Variants in COMMD1 observed in about 807,000 individuals in gnomAD.
COMMD1 encodes COMM domain-containing protein 1.
COMMD1 carries 10 observed loss-of-function variants against 17.2 expected under a neutral mutation model. The observed-to-expected ratio is 0.58, with a 90% CI of 0.36 to 0.99. The LOEUF is 0.99. Among genes scored for constraint, COMMD1 ranks in the 50% least tolerant of loss-of-function variants. The probability of loss-of-function intolerance (pLI) is 0.01; values close to 1 mark genes in which losing one functional copy is unlikely to be tolerated. For missense variants in COMMD1, 270 were observed against 231.8 expected (o/e 1.17, Z -1.07); for synonymous variants, 97 against 91.6 (o/e 1.06, Z -0.34).
chr2:61,989,716 GGCC>G (rs1558550932), intron 1 of COMMD1, among the ~76,000 whole-genome samples: 1 of 151,958 alleles, frequency 6.6e-6, no homozygotes. Context: ...CGCCCACGTC[GGCC>G]TCCCAAAGTG....
intron 2 of COMMD1, among the ~76,000 whole-genome samples, chr2:62,086,377 G>C (rs1671668837): frequency 6.6e-6 from 1 of 151,872 alleles, no homozygotes; most frequent in Non-Finnish European, 1.5e-5. Flanking sequence ...CAGGCCTGGC[G>C]GCGTGCGCCT....
chr2:62,003,540 CAA>C (rs559636343), intron 2 of COMMD1, among the ~76,000 whole-genome samples: 1 of 109,344 alleles, frequency 9.1e-6, no homozygotes. Flanking sequence ...GACTCCGTCT[CAA>C]AAAAAAAAAA....
chr2:62,042,093 A>ATTTTACAGAGCACCGATTGGTCCG (rs1330728241), intron 2 of COMMD1, among the ~76,000 whole-genome samples: 3 of 152,152 alleles, frequency 2.0e-5, no homozygotes, highest in Non-Finnish European at 4.4e-5. Flanking sequence ...CGATTGGTCC[A>ATTTTACAGAGCACCGATTGGTCCG]TTTTACAGAG....
rs150678982 is a variant in COMMD1 at position 62,130,676 on chromosome 2, G to C, written c.463-5155G>C. On this transcript the variant is annotated intron_variant, in intron 2 of 2. Coordinates refer to ENST00000311832, the MANE Select transcript of COMMD1 (RefSeq NM_152516.4). ...TGTTGTTTTATTTTATGTTGAATTT[G>C]TTCTAAATGGTTCTATTCAAGTATT... 5.4e-3 allele frequency among the ~76,000 whole-genome samples: 816 copies of C among 152,216 alleles called. 4 individuals carry two copies. Among genetic ancestry groups the C allele is most frequent in the South Asian group, 0.02 (97 of 4,828 alleles).
intron 2 of COMMD1, among the ~76,000 whole-genome samples, chr2:62,055,021 T>G (rs1465437240): frequency 6.6e-6 from 1 of 152,150 alleles, no homozygotes; most frequent in Non-Finnish European, 1.5e-5. Context: ...CGGCTACAAA[T>G]ACAGATTAAC....
intron 2 of COMMD1, among the ~76,000 whole-genome samples, chr2:62,027,742 C>T (rs546440080): frequency 1.3e-5 from 2 of 152,172 alleles, no homozygotes; most frequent in East Asian, 3.9e-4. Context: ...GGTACTATCT[C>T]GGCTCACTGC....
chr2:62,089,787 T>TA (rs1447852613), intron 2 of COMMD1, among the ~76,000 whole-genome samples: 1 of 152,056 alleles, frequency 6.6e-6, no homozygotes, highest in East Asian at 1.9e-4. Context: ...TTGGGCAAGA[T>TA]AAAAAAATGA....
chr2:61,958,596 T>C (rs1671258489), intron 1 of COMMD1, among the ~76,000 whole-genome samples: 1 of 152,218 alleles, frequency 6.6e-6, no homozygotes, highest in Non-Finnish European at 1.5e-5. Flanking sequence ...TAATACACAG[T>C]CATAATGTAT....
At position 62,014,542 on chromosome 2, in the gene COMMD1, C is replaced by CTTTT. The variant is rs67886279; in HGVS notation, c.462+13594_462+13597dup. On this transcript the variant is annotated intron_variant, in intron 2 of 2. Transcript: ENST00000311832. Reference sequence around the variant, plus strand: ...CATAACAAAATTTTACCATTTTAACCTTTTTTTTTTTTTTTTTTTTTTTTT... The same window carrying CTTTT: ...CATAACAAAATTTTACCATTTTAACCTTTTTTTTTTTTTTTTTTTTTTTTTTTTT... Among the ~76,000 whole-genome samples, 7 of 63,568 alleles carry CTTTT rather than the reference C, an allele frequency of 1.1e-4. 1 individual carries two copies. Among genetic ancestry groups the CTTTT allele is most frequent in the African/African-American group, 2.1e-4 (3 of 14,022 alleles). The allele number at this position is 63,568 out of a possible 152,430, so 41.7% of individuals were successfully genotyped here. A position where few individuals can be genotyped will look rare whatever the true frequency, so the allele number is the denominator to read the frequency against.
chr2:62,079,339 T>C (rs1671450898), intron 2 of COMMD1, among the ~76,000 whole-genome samples: 1 of 152,258 alleles, frequency 6.6e-6, no homozygotes, highest in South Asian at 2.1e-4. Flanking sequence ...TGTGCTCTGC[T>C]ACAAGCATTC....
chr2:62,061,024 C>T (rs1670841485), intron 2 of COMMD1, among the ~76,000 whole-genome samples: 1 of 152,068 alleles, frequency 6.6e-6, no homozygotes, highest in African/African-American at 2.4e-5. Flanking sequence ...TTTTTTACCT[C>T]AGATATATTT....
At chr2:62,024,204 A>AT (rs1345615192) in intron 2 of COMMD1, among the ~76,000 whole-genome samples, 1 of 151,970 alleles carries the variant, frequency 6.6e-6, no homozygotes, top group South Asian at 2.1e-4. Context: ...CACGGTGATG[A>AT]TTTTTTTGTT....
At chr2:62,070,568 CTAAAAGA>C (rs1671172311) in intron 2 of COMMD1, among the ~76,000 whole-genome samples, 1 of 131,814 alleles carries the variant, frequency 7.6e-6, no homozygotes, top group Non-Finnish European at 1.6e-5. Flanking sequence ...AAAAAAACAA[CTAAAAGA>C]TAAAAGAAAA....
chr2:61,915,417 CA>C (rs1318512685), intron 1 of COMMD1, among the ~76,000 whole-genome samples: 1 of 152,088 alleles, frequency 6.6e-6, no homozygotes, highest in Non-Finnish European at 1.5e-5. Flanking sequence ...CCCCATTTTT[CA>C]TGTGTTTTTT....
chr2:62,110,708 C>G (rs1268877949), intron 2 of COMMD1, among the ~76,000 whole-genome samples: 1 of 152,058 alleles, frequency 6.6e-6, no homozygotes, highest in Non-Finnish European at 1.5e-5. Context: ...CTCAATTCTG[C>G]TTGTACTTTA....
intron 1 of COMMD1, among the ~76,000 whole-genome samples, chr2:61,956,532 T>C (rs1377144506): frequency 6.8e-6 from 1 of 147,710 alleles, no homozygotes; most frequent in Non-Finnish European, 1.5e-5. Flanking sequence ...GCCTCAGCCT[T>C]GAGAGTAGCT....
At chr2:62,028,233 A>G (rs2103870104) in intron 2 of COMMD1, among the ~76,000 whole-genome samples, 1 of 152,274 alleles carries the variant, frequency 6.6e-6, no homozygotes, top group Non-Finnish European at 1.5e-5. Flanking sequence ...TCTGTCTTTA[A>G]GCTTCTGCAT....
chr2:61,911,249 C>T (rs1029054560), intron 1 of COMMD1, among the ~76,000 whole-genome samples: 11 of 151,562 alleles, frequency 7.3e-5, no homozygotes, highest in South Asian at 2.1e-4. Context: ...CCAGGGTGGG[C>T]GGATCACCTG....
chr2:62,075,085 C>A (rs1024060506), intron 2 of COMMD1, among the ~76,000 whole-genome samples: 3 of 151,868 alleles, frequency 2.0e-5, no homozygotes, highest in African/African-American at 7.3e-5. Flanking sequence ...GACAGGGTTT[C>A]GCCATGTAGA....
Sources: allele counts gnomAD v4.1 joint callset (sites outside exome capture counted in the v4.1 genomes callset), GRCh38; gene constraint gnomAD v4.1.1; transcripts MANE v1.5; gene names NCBI Gene and HGNC (gene_info 2026-07-23, HGNC 2026-07-21).